The following CDK19 variants were observed in gnomAD, a reference collection of about 807,000 sequenced individuals.
CDK19 encodes cyclin dependent kinase 19, also known as cyclin-dependent kinase 19.
Under a neutral mutation model 68.3 loss-of-function variants are expected in CDK19, and 20 were observed. That is an observed-to-expected ratio of 0.29 (90% confidence interval 0.21 to 0.43). CDK19 has a LOEUF of 0.43. CDK19 is among the 20% of genes least tolerant of loss of function. The pLI is 1.00. For synonymous variants in CDK19, 221 were observed against 222.8 expected (o/e 0.99, Z 0.07); for missense variants, 339 against 623.5 (o/e 0.54, Z 4.86).
intron 2 of CDK19, among the ~76,000 whole-genome samples, chr6:110,719,318 T>C (rs577963310): frequency 4.6e-5 from 7 of 152,126 alleles, no homozygotes; most frequent in Non-Finnish European, 5.9e-5. Flanking sequence ...ACCCTGTCTC[T>C]ACAAAAAATT....
At chr6:110,691,850 G>A (rs988932197) in intron 2 of CDK19, among the ~76,000 whole-genome samples, 7 of 150,584 alleles carry the variant, frequency 4.6e-5, no homozygotes, top group Non-Finnish European at 1.0e-4. Context: ...GTTTCACCAT[G>A]TTGGTCAGGC....
chr6:110,637,882 T>G (rs1297528492), intron 5 of CDK19, among the ~76,000 whole-genome samples: 1 of 152,156 alleles, frequency 6.6e-6, no homozygotes, highest in Non-Finnish European at 1.5e-5. Flanking sequence ...CTTGGGAGAC[T>G]GAGGCAGGGA....
At chr6:110,638,447 C>G (rs1779925833) in intron 5 of CDK19, among the ~76,000 whole-genome samples, 1 of 152,028 alleles carries the variant, frequency 6.6e-6, no homozygotes, top group South Asian at 2.1e-4. Context: ...AGTGATGCCT[C>G]AACTTAGAAC....
intron 2 of CDK19, among the ~76,000 whole-genome samples, chr6:110,738,789 G>A (rs1312499444): frequency 1.3e-5 from 2 of 152,108 alleles, no homozygotes; most frequent in African/African-American, 4.8e-5. Flanking sequence ...TTTATGCCAA[G>A]AGGAAAGTTC....
chr6:110,645,371 A>T (rs932931235), intron 4 of CDK19, among the ~76,000 whole-genome samples: 1 of 152,238 alleles, frequency 6.6e-6, no homozygotes, highest in South Asian at 2.1e-4. Flanking sequence ...GAAATAATGA[A>T]AATACTATCT....
chr6:110,777,316 A>G (rs1463988422), intron 1 of CDK19, among the ~76,000 whole-genome samples: 1 of 152,214 alleles, frequency 6.6e-6, no homozygotes, highest in African/African-American at 2.4e-5. Context: ...ATATTGGTGT[A>G]AGAGTAGCAA....
At chr6:110,767,261 G>C (rs979009400) in intron 1 of CDK19, among the ~76,000 whole-genome samples, 20 of 151,960 alleles carry the variant, frequency 1.3e-4, no homozygotes, top group African/African-American at 4.8e-4. Flanking sequence ...TGGTTAACAG[G>C]TACAAAATCA....
intron 7 of CDK19, 52 bp from the exon 8 acceptor site, chr6:110,626,897 C>G (rs1349708349): frequency 2.9e-6 from 4 of 1,377,554 alleles, no homozygotes; most frequent in Middle Eastern, 2.2e-4. Flanking sequence ...AATTTAAAAT[C>G]TCCTAATTAT....
chr6:110,718,718 T>C (rs543997067), intron 2 of CDK19, among the ~76,000 whole-genome samples: 3 of 151,876 alleles, frequency 2.0e-5, no homozygotes, highest in Admixed American at 6.6e-5. Context: ...ATAAAGACAT[T>C]TTCAGGCAAC....
intron 2 of CDK19, among the ~76,000 whole-genome samples, chr6:110,732,919 T>C (rs543061496): frequency 1.3e-5 from 2 of 152,048 alleles, no homozygotes; most frequent in South Asian, 2.1e-4. Context: ...ACACAAAAAT[T>C]AGCCAGGTGT....
At chr6:110,801,307 A>C (rs563491721) in intron 1 of CDK19, among the ~76,000 whole-genome samples, 2 of 152,130 alleles carry the variant, frequency 1.3e-5, no homozygotes, top group East Asian at 3.9e-4. Flanking sequence ...CAACATAGTG[A>C]GACCCTGTCT....
chr6:110,631,555 T>C (rs1779437947), intron 6 of CDK19, among the ~76,000 whole-genome samples: 1 of 152,254 alleles, frequency 6.6e-6, no homozygotes, highest in Non-Finnish European at 1.5e-5. Flanking sequence ...ATGGAGAAAC[T>C]GCCATTCTCA....
chr6:110,706,405 T>TTTTTG, intron 2 of CDK19: 2 of 15,960 alleles, frequency 1.3e-4, no homozygotes, highest in Non-Finnish European at 8.3e-4. Context: ...AACACTGTTG[T>TTTTTG]TTTTTTTTTG....
At chr6:110,715,543 C>T (rs757071775) in intron 2 of CDK19, among the ~76,000 whole-genome samples, 41 of 152,092 alleles carry the variant, frequency 2.7e-4, no homozygotes, top group Non-Finnish European at 5.0e-4. Context: ...GGCTGTAGTG[C>T]TGCGGGGCAT....
chr6:110,734,453 T>C (rs1777029003), intron 2 of CDK19, among the ~76,000 whole-genome samples: 1 of 150,682 alleles, frequency 6.6e-6, no homozygotes. Flanking sequence ...TACAGTTTGG[T>C]AGGCTTAAAG....
intron 2 of CDK19, among the ~76,000 whole-genome samples, chr6:110,742,384 T>C (rs1343973624): frequency 2.0e-5 from 3 of 152,190 alleles, no homozygotes; most frequent in Admixed American, 2.0e-4. Flanking sequence ...GGACCACTAT[T>C]GTACAAATAG....
chr6:110,784,571 T>C (rs1437817983), intron 1 of CDK19, among the ~76,000 whole-genome samples: 1 of 152,194 alleles, frequency 6.6e-6, no homozygotes, highest in Non-Finnish European at 1.5e-5. Flanking sequence ...GGAAAGAGGC[T>C]GGTAGTTCTT....
At chr6:110,647,841 C>G (rs1780708267) in intron 4 of CDK19, among the ~76,000 whole-genome samples, 1 of 152,160 alleles carries the variant, frequency 6.6e-6, no homozygotes, top group Non-Finnish European at 1.5e-5. Flanking sequence ...AGAAAAACTT[C>G]AGGCCAACCT....
chr6:110,766,649 AAATATGC>A (rs1406564599), intron 1 of CDK19, among the ~76,000 whole-genome samples: 3 of 152,196 alleles, frequency 2.0e-5, no homozygotes, highest in African/African-American at 7.2e-5. Flanking sequence ...ATTTTAAGTA[AAATATGC>A]AATGTATAGA....
Sources: gnomAD v4.1 joint callset for allele counts (sites outside exome capture counted in the v4.1 genomes callset) on GRCh38, gnomAD v4.1.1 for gene constraint, MANE v1.5 for transcripts, NCBI Gene and HGNC (gene_info 2026-07-23, HGNC 2026-07-21) for gene names.